Variants in EGFLAM observed in about 807,000 individuals in gnomAD.
EGFLAM encodes the protein EGF like, fibronectin type III and laminin G domains.
Under a neutral mutation model 113.1 loss-of-function variants are expected in EGFLAM, and 79 were observed. The ratio of observed to expected loss-of-function variants is 0.70; its 90% CI spans 0.58 to 0.84. The LOEUF is 0.84. Ranked by LOEUF, EGFLAM falls within the 40% of genes least tolerant of loss-of-function variation. The probability of loss-of-function intolerance (pLI) is 0.00; values close to 1 mark genes in which losing one functional copy is unlikely to be tolerated. For missense variants in EGFLAM, 1,265 were observed against 1,291.6 expected (o/e 0.98, Z 0.32); for synonymous variants, 504 against 487.6 (o/e 1.03, Z -0.44).
rs1742816888 is a variant in EGFLAM at position 38,449,007 on chromosome 5, C to A, written c.2543+628C>A. 3.3e-5 allele frequency among the ~76,000 whole-genome samples: 5 copies of A among 152,368 alleles called. No homozygotes were observed. In the South Asian group the frequency reaches 8.3e-4, roughly 25 times the overall value. On this transcript the variant is annotated intron_variant, in intron 18 of 21. Coordinates refer to ENST00000322350, the MANE Select transcript of EGFLAM (RefSeq NM_152403.4). ...CTGGTGGCAGAAGTCCCAGCCCTGG[C>A]CTGGAGTCCTCGCTCTTGGTTTGGA...
intron 1 of EGFLAM, among the ~76,000 whole-genome samples, chr5:38,260,465 T>C (rs565535322): frequency 1.3e-5 from 2 of 152,356 alleles, no homozygotes; most frequent in African/African-American, 4.8e-5. Context: ...TTCTTATTTT[T>C]TGGAGTTCTT....
At chr5:38,330,168 A>G (rs1270911339) in intron 1 of EGFLAM, among the ~76,000 whole-genome samples, 1 of 152,176 alleles carries the variant, frequency 6.6e-6, no homozygotes, top group Non-Finnish European at 1.5e-5. Context: ...AGGCTGGAAA[A>G]ATAAAAACTA....
chr5:38,309,365 G>A (rs1284426721), intron 1 of EGFLAM, among the ~76,000 whole-genome samples: 1 of 152,182 alleles, frequency 6.6e-6, no homozygotes, highest in African/African-American at 2.4e-5. Flanking sequence ...ACTGAGTATA[G>A]GCAAGGTTGA....
At chr5:38,429,286 C>A (rs192231411) in intron 14 of EGFLAM, among the ~76,000 whole-genome samples, 1 of 152,266 alleles carries the variant, frequency 6.6e-6, no homozygotes, top group Non-Finnish European at 1.5e-5. Context: ...GGAGATAGAC[C>A]ACTTAAAAAG....
At chr5:38,289,533 C>G (rs1758256925) in intron 1 of EGFLAM, among the ~76,000 whole-genome samples, 1 of 152,224 alleles carries the variant, frequency 6.6e-6, no homozygotes, top group East Asian at 1.9e-4. Context: ...AGCTCCACTA[C>G]TTAGAATTTT....
At chr5:38,392,853 G>T (rs1740852746) in intron 6 of EGFLAM, among the ~76,000 whole-genome samples, 1 of 151,974 alleles carries the variant, frequency 6.6e-6, no homozygotes, top group Non-Finnish European at 1.5e-5. Context: ...CCCACGACAG[G>T]CCCCGGTGTG....
chr5:38,418,041 T>G (rs1741707931), intron 11 of EGFLAM, 25 bp from the exon 12 acceptor site: 3 of 1,599,604 alleles, frequency 1.9e-6, no homozygotes, highest in Non-Finnish European at 2.6e-6. Flanking sequence ...GTGAGAGTAT[T>G]CATGAGTGGT....
chr5:38,290,807 C>T (rs10080060), intron 1 of EGFLAM: 19,003 of 152,740 alleles, frequency 0.12, 1,452 homozygotes, highest in African/African-American at 0.2. Context: ...GTCGGCCGGG[C>T]GCGGTGGCTC....
chr5:38,440,781 C>T (rs1742507819), intron 17 of EGFLAM, among the ~76,000 whole-genome samples: 1 of 152,140 alleles, frequency 6.6e-6, no homozygotes, highest in African/African-American at 2.4e-5. Context: ...TTACATGAAG[C>T]AAAATGGTAT....
chr5:38,383,880 G>A (rs1220043135), intron 6 of EGFLAM, among the ~76,000 whole-genome samples: 1 of 151,990 alleles, frequency 6.6e-6, no homozygotes, highest in Non-Finnish European at 1.5e-5. Context: ...CAGGACACTG[G>A]AAGCTCACAG....
rs371560500 is a variant in EGFLAM, at chr5:38,408,033, G to A, written c.1248+128G>A. The A allele has an allele frequency of 4.4e-4, 291 of 660,890 alleles. 7 individuals carry two copies. The highest frequency in any genetic ancestry group is 4.1e-3 in the South Asian group (226 of 54,642). The allele number at this position is 660,890 out of a possible 1,614,324, so 40.9% of individuals were successfully genotyped here. On this transcript the variant is annotated intron_variant, in intron 9 of 21. Coordinates refer to ENST00000322350, the MANE Select transcript of EGFLAM (RefSeq NM_152403.4). ...CGACGAAAGGTAAATATGACACAGA[G>A]CCTGTCTCTAAACCAGCTCATGAGA...
At chr5:38,448,710 G>A (rs1320278942) in intron 18 of EGFLAM, among the ~76,000 whole-genome samples, 4 of 152,218 alleles carry the variant, frequency 2.6e-5, no homozygotes, top group African/African-American at 9.7e-5. Flanking sequence ...GTGAGAATGT[G>A]ATGTTCCTGA....
intron 1 of EGFLAM, among the ~76,000 whole-genome samples, chr5:38,303,537 AGC>A (rs1473127670): frequency 6.6e-6 from 1 of 152,158 alleles, no homozygotes; most frequent in Admixed American, 6.6e-5. Flanking sequence ...CTGGGGCCAG[AGC>A]TGAATTGCTA....
intron 6 of EGFLAM, among the ~76,000 whole-genome samples, chr5:38,371,868 C>A (rs960647909): frequency 1.3e-5 from 2 of 152,124 alleles, no homozygotes; most frequent in African/African-American, 4.8e-5. Flanking sequence ...TAGGGGCCGA[C>A]AGTACTTTGA....
At chr5:38,340,846 TGGG>T (rs751534294) in intron 3 of EGFLAM, among the ~76,000 whole-genome samples, 417 of 44,160 alleles carry the variant, frequency 9.4e-3, no homozygotes, top group Admixed American at 0.02. Flanking sequence ...TGTGTGTGTT[TGGG>T]GGGGTGGGGG....
At chr5:38,429,826 T>C (rs1742133314) in intron 14 of EGFLAM, 1 of 152,424 alleles carries the variant, frequency 6.6e-6, no homozygotes, top group South Asian at 2.1e-4. Context: ...ATCTAGCCAT[T>C]ATTATATCTG....
chr5:38,435,913 G>A (rs941000831), intron 16 of EGFLAM, among the ~76,000 whole-genome samples: 3 of 149,386 alleles, frequency 2.0e-5, no homozygotes, highest in Non-Finnish European at 4.4e-5. Flanking sequence ...CACCTCCTGG[G>A]TTCAAGCGAT....
chr5:38,452,280 C>G (rs571089399), intron 19 of EGFLAM, among the ~76,000 whole-genome samples: 1 of 152,214 alleles, frequency 6.6e-6, no homozygotes, highest in South Asian at 2.1e-4. Flanking sequence ...GATCCACCCG[C>G]TTCGGCCTCC....
At chr5:38,412,445 C>T in intron 10 of EGFLAM, 59 bp from the exon 11 acceptor site, 1 of 1,613,070 alleles carries the variant, frequency 6.2e-7, no homozygotes. Context: ...TCCACGGAAT[C>T]TGAAAACATA....
Sources: gnomAD v4.1 joint callset for allele counts (sites outside exome capture counted in the v4.1 genomes callset) on GRCh38, gnomAD v4.1.1 for gene constraint, MANE v1.5 for transcripts, NCBI Gene and HGNC (gene_info 2026-07-23, HGNC 2026-07-21) for gene names.